The following NALF1 variants were observed in gnomAD, a reference collection of about 807,000 sequenced individuals.
The protein encoded by NALF1 is family with sequence similarity 155 member A.
Under a neutral mutation model 48.4 loss-of-function variants are expected in NALF1, and 3 were observed. The ratio of observed to expected loss-of-function variants is 0.06; its 90% confidence interval spans 0.03 to 0.16. NALF1 has a LOEUF of 0.16. Among genes scored for constraint, NALF1 ranks in the 10% least tolerant of loss-of-function variants. The pLI is 1.00. For synonymous variants in NALF1, 262 were observed against 245.7 expected (o/e 1.07, Z -0.62); for missense variants, 526 against 571.5 (o/e 0.92, Z 0.81).
intron 1 of NALF1, among the ~76,000 whole-genome samples, chr13:107,691,359 GTGACACT>G (rs1203607325): frequency 1.6e-4 from 24 of 152,158 alleles, no homozygotes; most frequent in Admixed American, 1.3e-4. Context: ...TACTCAGTTT[GTGACACT>G]TCGCTACAGC....
intron 1 of NALF1, among the ~76,000 whole-genome samples, chr13:107,678,029 GTTAA>G (rs1162132564): frequency 6.6e-6 from 1 of 152,126 alleles, no homozygotes; most frequent in Non-Finnish European, 1.5e-5. Context: ...AATCTTTTCA[GTTAA>G]TTTATTTATT....
chr13:107,793,076 G>A (rs928800296), intron 1 of NALF1, among the ~76,000 whole-genome samples: 4 of 151,990 alleles, frequency 2.6e-5, no homozygotes, highest in African/African-American at 7.2e-5. Context: ...TCTTTTATTT[G>A]GTAAGATCCA....
At position 107,553,543 on chromosome 13, in the gene NALF1, A is replaced by G. The variant is rs183991804; in HGVS notation, c.915+312139T>C. On this transcript the variant is annotated intron_variant, in intron 1 of 2. Transcript: ENST00000375915. ...TCTGAAGTTAGCATTATGATTTACT[A>G]TAGATTTTTATGATCTAAAGTGTAT... Among the ~76,000 whole-genome samples the G allele has an allele frequency of 3.3e-5, 5 of 152,328 alleles. No individual in the cohort carries two copies. The East Asian group carries it at 9.6e-4, about 29-fold the overall frequency.
At chr13:107,385,598 A>G (rs1023927446) in intron 1 of NALF1, among the ~76,000 whole-genome samples, 2 of 151,426 alleles carry the variant, frequency 1.3e-5, no homozygotes, top group African/African-American at 4.9e-5. Context: ...AAAAAAATGC[A>G]TATCTATGAC....
chr13:107,753,461 T>C (rs544014771), intron 1 of NALF1, among the ~76,000 whole-genome samples: 13 of 151,880 alleles, frequency 8.6e-5, no homozygotes, highest in Non-Finnish European at 1.8e-4. Flanking sequence ...CCAATGTAAA[T>C]AGTGTGTTTG....
chr13:107,303,332 A>T (rs189446445), intron 1 of NALF1, among the ~76,000 whole-genome samples: 2 of 152,342 alleles, frequency 1.3e-5, no homozygotes. Flanking sequence ...CGAATGACTG[A>T]AGAGCAAGAG....
At chr13:107,717,713 TG>T (rs1405391315) in intron 1 of NALF1, among the ~76,000 whole-genome samples, 4 of 151,848 alleles carry the variant, frequency 2.6e-5, no homozygotes, top group Non-Finnish European at 4.4e-5. Context: ...AAGCCAGGAG[TG>T]GGGAAAGTAA....
intron 1 of NALF1, among the ~76,000 whole-genome samples, chr13:107,837,618 G>C (rs1334995594): frequency 6.6e-6 from 1 of 152,110 alleles, no homozygotes; most frequent in Non-Finnish European, 1.5e-5. Flanking sequence ...ATCAAAGCTT[G>C]AGTGACACAA....
chr13:107,549,657 C>T (rs903229292), intron 1 of NALF1, among the ~76,000 whole-genome samples: 5 of 152,086 alleles, frequency 3.3e-5, no homozygotes, highest in African/African-American at 1.2e-4. Flanking sequence ...TAATTGAGAG[C>T]AAGTTCCAGA....
At chr13:107,717,631 A>G (rs768660456) in intron 1 of NALF1, among the ~76,000 whole-genome samples, 4 of 151,908 alleles carry the variant, frequency 2.6e-5, no homozygotes, top group South Asian at 4.2e-4. Context: ...AAGATGCATC[A>G]GTCTTAATCT....
chr13:107,187,149 G>T (rs962692378), intron 2 of NALF1, among the ~76,000 whole-genome samples: 1 of 151,980 alleles, frequency 6.6e-6, no homozygotes, highest in Non-Finnish European at 1.5e-5. Context: ...ATTACATTGG[G>T]ATCACCTGAA....
At chr13:107,729,668 G>A (rs1375363456) in intron 1 of NALF1, among the ~76,000 whole-genome samples, 6 of 151,996 alleles carry the variant, frequency 3.9e-5, no homozygotes, top group South Asian at 4.2e-4. Context: ...TAGTAGAAAC[G>A]GGGTTTCACC....
intron 1 of NALF1, among the ~76,000 whole-genome samples, chr13:107,431,851 G>C (rs1330153524): frequency 6.6e-6 from 1 of 152,116 alleles, no homozygotes; most frequent in East Asian, 1.9e-4. Flanking sequence ...AGTGCATCTA[G>C]AATGGCAGTA....
At chr13:107,822,104 C>A (rs1040795197) in intron 1 of NALF1, among the ~76,000 whole-genome samples, 1 of 149,068 alleles carries the variant, frequency 6.7e-6, no homozygotes, top group Non-Finnish European at 1.5e-5. Context: ...AGCATGCATC[C>A]TTAGAAAGCT....
intron 2 of NALF1, among the ~76,000 whole-genome samples, chr13:107,182,670 G>T (rs931525341): frequency 6.6e-6 from 1 of 152,138 alleles, no homozygotes; most frequent in Non-Finnish European, 1.5e-5. Context: ...GCACACACTT[G>T]AACTTATATT....
At chr13:107,507,522 C>T (rs867390723) in intron 1 of NALF1, among the ~76,000 whole-genome samples, 3 of 145,032 alleles carry the variant, frequency 2.1e-5, no homozygotes, top group African/African-American at 7.9e-5. Context: ...GCCCATATCA[C>T]ATCCTTTTTT....
chr13:107,702,765 C>G (rs1330243406), intron 1 of NALF1, among the ~76,000 whole-genome samples: 1 of 152,106 alleles, frequency 6.6e-6, no homozygotes, highest in African/African-American at 2.4e-5. Flanking sequence ...TCTCATCATT[C>G]AGCTCCCACT....
chr13:107,809,354 C>T (rs1878915277), intron 1 of NALF1, among the ~76,000 whole-genome samples: 1 of 152,054 alleles, frequency 6.6e-6, no homozygotes, highest in Non-Finnish European at 1.5e-5. Flanking sequence ...GTTCCTACCC[C>T]TCTTAGTGCC....
At chr13:107,680,720 TGA>T (rs1320459644) in intron 1 of NALF1, among the ~76,000 whole-genome samples, 30 of 136,900 alleles carry the variant, frequency 2.2e-4, no homozygotes, top group African/African-American at 7.2e-4. Flanking sequence ...GTGGGTGGTG[TGA>T]GAGTGTATGA....
Sources: allele counts gnomAD v4.1 joint callset (sites outside exome capture counted in the v4.1 genomes callset), GRCh38; gene constraint gnomAD v4.1.1; transcripts MANE v1.5; gene names NCBI Gene and HGNC (gene_info 2026-07-23, HGNC 2026-07-21).